Variants in REV3L observed in about 807,000 individuals in gnomAD.
REV3L encodes the protein REV3 like, DNA directed polymerase zeta catalytic subunit.
REV3L carries 69 observed loss-of-function variants against 299.4 expected under a neutral mutation model. The observed-to-expected ratio is 0.23, with a 90% CI of 0.19 to 0.28. The LOEUF (loss-of-function observed/expected upper bound fraction) is 0.28, where lower values mean the gene tolerates loss of function less well. REV3L is among the 10% of genes least tolerant of loss of function. The pLI, the probability that REV3L is intolerant of heterozygous loss-of-function variation, is 1.00. For missense variants in REV3L, 3,128 were observed against 3,693.8 expected (o/e 0.85, Z 3.97); for synonymous variants, 1,238 against 1,271.4 (o/e 0.97, Z 0.56).
intron 1 of REV3L, among the ~76,000 whole-genome samples, chr6:111,442,278 C>A (rs1203609262): frequency 2.0e-5 from 3 of 152,114 alleles, no homozygotes; most frequent in Non-Finnish European, 4.4e-5. Context: ...GTAACACTGG[C>A]TTTATCTTTT....
chr6:111,324,110 G>A (rs773806114), intron 25 of REV3L, among the ~76,000 whole-genome samples: 2 of 152,050 alleles, frequency 1.3e-5, no homozygotes, highest in Non-Finnish European at 2.9e-5. Flanking sequence ...AGCAATTCTC[G>A]TGCTTCAGTC....
intron 25 of REV3L, among the ~76,000 whole-genome samples, chr6:111,328,795 T>C (rs1350323266): frequency 2.0e-5 from 3 of 152,158 alleles, no homozygotes; most frequent in Non-Finnish European, 4.4e-5. Context: ...AGACAGGGTC[T>C]CGTTCTGTTA....
chr6:111,314,824 A>C (rs977502508), intron 27 of REV3L, among the ~76,000 whole-genome samples: 1 of 151,822 alleles, frequency 6.6e-6, no homozygotes, highest in African/African-American at 2.4e-5. Context: ...TGAGAAAATT[A>C]TACAAAAGAG....
intron 1 of REV3L, among the ~76,000 whole-genome samples, chr6:111,458,093 A>C (rs1270025229): frequency 6.6e-6 from 1 of 152,166 alleles, no homozygotes; most frequent in Non-Finnish European, 1.5e-5. Flanking sequence ...CTAATTCACC[A>C]TAATCAAGTA....
chr6:111,465,854 C>T (rs570328564), intron 1 of REV3L, among the ~76,000 whole-genome samples: 2 of 149,136 alleles, frequency 1.3e-5, no homozygotes, highest in South Asian at 2.1e-4. Flanking sequence ...TACAATATAT[C>T]GCAGAAATAG....
At chr6:111,400,694 G>C (rs1343610674) in intron 4 of REV3L, among the ~76,000 whole-genome samples, 1 of 152,076 alleles carries the variant, frequency 6.6e-6, no homozygotes, top group African/African-American at 2.4e-5. Context: ...TTTTCACAAA[G>C]TAAAAGTTTT....
At chr6:111,413,377 T>C (rs1051332677) in intron 2 of REV3L, among the ~76,000 whole-genome samples, 13 of 152,158 alleles carry the variant, frequency 8.5e-5, no homozygotes, top group East Asian at 3.9e-4. Flanking sequence ...AGTATATCAA[T>C]AGGAAGGAAA....
At chr6:111,379,080 T>A (rs1780579421) in intron 11 of REV3L, among the ~76,000 whole-genome samples, 1 of 152,236 alleles carries the variant, frequency 6.6e-6, no homozygotes, top group Admixed American at 6.5e-5. Context: ...AAATTGGGCA[T>A]GGTTTTCACC....
At chr6:111,326,464 C>T (rs572883611) in intron 25 of REV3L, among the ~76,000 whole-genome samples, 1 of 152,136 alleles carries the variant, frequency 6.6e-6, no homozygotes, top group African/African-American at 2.4e-5. Flanking sequence ...ATAATGAATG[C>T]TGGCAAGGAT....
At chr6:111,473,368 G>T (rs759588465) in intron 1 of REV3L, among the ~76,000 whole-genome samples, 2 of 151,598 alleles carry the variant, frequency 1.3e-5, no homozygotes, top group African/African-American at 4.9e-5. Flanking sequence ...CTTTAATTGC[G>T]TGAATTCTAA....
intron 16 of REV3L, among the ~76,000 whole-genome samples, chr6:111,362,775 C>G (rs1778826292): frequency 6.6e-6 from 1 of 152,130 alleles, no homozygotes; most frequent in Admixed American, 6.5e-5. Context: ...TTTCATACAA[C>G]TTAAGAGTAA....
rs28548494 is a variant in REV3L at position 111,422,613 on chromosome 6, C to A, written c.140-6141G>T. Among the ~76,000 whole-genome samples the A allele has an allele frequency of 9.7e-4, 7 of 7,180 alleles. 1 individual carries two copies. The highest frequency in any genetic ancestry group is 1.3e-3 in the Non-Finnish European group (4 of 2,990). The allele number at this position is 7,180 out of a possible 152,430, so 4.7% of individuals were successfully genotyped here. A position where few individuals can be genotyped will look rare whatever the true frequency, so the allele number is the denominator to read the frequency against. On this transcript the variant is annotated intron_variant, in intron 1 of 31. Coordinates refer to ENST00000368802, the MANE Select transcript of REV3L (RefSeq NM_001372078.1). ...ATATATACACATATATATATATATA[C>A]ACATATATATATATATACACATATA... is the stretch of plus-strand genomic sequence containing the variant.
chr6:111,406,996 A>T (rs1042146651), intron 3 of REV3L, among the ~76,000 whole-genome samples: 4 of 152,162 alleles, frequency 2.6e-5, no homozygotes, highest in African/African-American at 9.7e-5. Flanking sequence ...ATCACACAAA[A>T]GATAGAAGAG....
chr6:111,325,035 G>A (rs1774617807), intron 25 of REV3L, among the ~76,000 whole-genome samples: 1 of 152,066 alleles, frequency 6.6e-6, no homozygotes, highest in African/African-American at 2.4e-5. Context: ...CTAATTTTTT[G>A]TATTTTTAGT....
At chr6:111,310,642 C>G (rs2114722281) in intron 29 of REV3L, 1 of 156,512 alleles carries the variant, frequency 6.4e-6, no homozygotes, top group South Asian at 2.0e-4. Context: ...GAGACCCTGC[C>G]TCCAGGGGCA....
At position 111,374,628 on chromosome 6, in the gene REV3L, G is replaced by C. The variant is rs367696933; in HGVS notation, c.3727C>G (p.Leu1243Val). 1.3e-5 allele frequency: 21 copies of C among 1,613,560 alleles called. No homozygotes were observed. In the African/African-American group the frequency reaches 2.4e-4, roughly 18 times the overall value. Reference sequence around the variant, plus strand: ...AATTCAGACACATTCTGGTGTTTCAGTACAAACTTAACCTCAGCACCAGAC... The same window carrying C: ...AATTCAGACACATTCTGGTGTTTCACTACAAACTTAACCTCAGCACCAGAC... ...SQSGAEVKFV[L>V]KHQNVSEFAS... is the part of the protein sequence containing the mutation. The change falls in exon 13 of 32, where the codon CTG becomes GTG. Residue 1243 changes from leucine to valine, a missense_variant. This residue lies in a region of REV3L where 2,409 missense variants were observed against 2,611.8 expected (regional missense o/e 0.92). Coordinates refer to ENST00000368802, the MANE Select transcript of REV3L (RefSeq NM_001372078.1).
At chr6:111,358,153 T>C (rs1184509581) in intron 17 of REV3L, among the ~76,000 whole-genome samples, 1 of 152,180 alleles carries the variant, frequency 6.6e-6, no homozygotes, top group Non-Finnish European at 1.5e-5. Flanking sequence ...TGGCATTCTA[T>C]ATGAAGAACC....
intron 1 of REV3L, among the ~76,000 whole-genome samples, chr6:111,433,663 C>T (rs767867611): frequency 6.6e-6 from 1 of 152,106 alleles, no homozygotes; most frequent in Non-Finnish European, 1.5e-5. Context: ...ACTCTTCAAA[C>T]AAAATTGAAG....
Position 111,372,983 on chromosome 6 carries a change from G to A in REV3L, c.5372C>T (p.Pro1791Leu). The A allele has an allele frequency of 6.2e-7, 1 of 1,614,056 alleles. No individual in the cohort carries two copies. Among genetic ancestry groups the A allele is most frequent in the Non-Finnish European group, 8.5e-7 (1 of 1,179,986 alleles). Residue 1791 changes from proline to leucine, a missense_variant, in exon 13 of 32, where the codon CCA becomes CTA. This residue lies in a region of REV3L where 2,409 missense variants were observed against 2,611.8 expected (regional missense o/e 0.92). Transcript: ENST00000368802. ...SVSKEVFLSL[P>L]QPNNSDWIQG... Reference sequence around the variant, plus strand: ...AATCCAGTCTGAATTGTTTGGCTGTGGGAGGCTAAGAAACACTTCTTTGCT... The same window carrying A: ...AATCCAGTCTGAATTGTTTGGCTGTAGGAGGCTAAGAAACACTTCTTTGCT...
Sources: gnomAD v4.1 joint callset for allele counts (sites outside exome capture counted in the v4.1 genomes callset) on GRCh38, gnomAD v4.1.1 for gene constraint, gnomAD v4.1.1 regional missense constraint, MANE v1.5 for transcripts, NCBI Gene and HGNC (gene_info 2026-07-23, HGNC 2026-07-21) for gene names.